Variants in FAF1 observed in about 807,000 individuals in gnomAD.
The protein encoded by FAF1 is FAS-associated factor 1.
Under a neutral mutation model 92.5 loss-of-function variants are expected in FAF1, and 25 were observed. The observed-to-expected ratio is 0.27, with a 90% CI of 0.20 to 0.38. The LOEUF is 0.38. Ranked by LOEUF, FAF1 falls within the 10% of genes least tolerant of loss-of-function variation. The probability of loss-of-function intolerance (pLI) is 1.00; values close to 1 mark genes in which losing one functional copy is unlikely to be tolerated. For synonymous variants in FAF1, 234 were observed against 273.2 expected (o/e 0.86, Z 1.42); for missense variants, 636 against 793.3 (o/e 0.80, Z 2.38).
intron 15 of FAF1, among the ~76,000 whole-genome samples, chr1:50,520,886 G>A (rs931213555): frequency 6.6e-6 from 1 of 152,078 alleles, no homozygotes; most frequent in African/African-American, 2.4e-5. Flanking sequence ...AGTCCTTTCT[G>A]ACTATAAAGA....
intron 7 of FAF1, among the ~76,000 whole-genome samples, chr1:50,702,506 T>G (rs1304895791): frequency 6.6e-6 from 1 of 152,066 alleles, no homozygotes; most frequent in African/African-American, 2.4e-5. Flanking sequence ...TTGGTCATAA[T>G]GGAAAACAGA....
At chr1:50,512,825 C>A (rs1198090415) in intron 15 of FAF1, among the ~76,000 whole-genome samples, 1 of 152,108 alleles carries the variant, frequency 6.6e-6, no homozygotes, top group African/African-American at 2.4e-5. Flanking sequence ...TTACTTTGGG[C>A]AGTATGGCCA....
At chr1:50,938,059 G>A (rs74082106) in intron 1 of FAF1, among the ~76,000 whole-genome samples, 2,106 of 152,162 alleles carry the variant, frequency 0.014, 47 homozygotes, top group African/African-American at 0.047. Flanking sequence ...AGGCACAATC[G>A]CTTATACTGA....
intron 8 of FAF1, among the ~76,000 whole-genome samples, chr1:50,638,719 C>T (rs1407384029): frequency 1.3e-5 from 2 of 152,144 alleles, no homozygotes; most frequent in Non-Finnish European, 2.9e-5. Flanking sequence ...GCTGGGATTA[C>T]AGGCATGAGC....
intron 1 of FAF1, among the ~76,000 whole-genome samples, chr1:50,923,911 A>C (rs951469392): frequency 6.6e-6 from 1 of 152,254 alleles, no homozygotes; most frequent in African/African-American, 2.4e-5. Context: ...TGAGTATAGA[A>C]GAAACATAAC....
At chr1:50,889,755 T>A in intron 1 of FAF1, among the ~76,000 whole-genome samples, 1 of 152,244 alleles carries the variant, frequency 6.6e-6, no homozygotes, top group East Asian at 1.9e-4. Context: ...TCTGTTCTTT[T>A]ACATTTGCTG....
At chr1:50,722,907 G>A (rs1167769247) in intron 6 of FAF1, among the ~76,000 whole-genome samples, 2 of 152,086 alleles carry the variant, frequency 1.3e-5, no homozygotes, top group African/African-American at 4.8e-5. Context: ...TCAAAAATAG[G>A]ACTGAATTGG....
intron 7 of FAF1, among the ~76,000 whole-genome samples, chr1:50,694,609 T>G (rs115739604): frequency 0.031 from 4,617 of 150,976 alleles, 248 homozygotes; most frequent in African/African-American, 0.11. Flanking sequence ...AAGTATTTGC[T>G]ATGGTAACTA....
At chr1:50,704,564 T>C (rs555169433) in intron 7 of FAF1, among the ~76,000 whole-genome samples, 10 of 152,184 alleles carry the variant, frequency 6.6e-5, no homozygotes, top group Non-Finnish European at 1.5e-4. Context: ...ACATTATTTC[T>C]ACCATAAAAA....
intron 12 of FAF1, among the ~76,000 whole-genome samples, chr1:50,568,994 G>C (rs1374177048): frequency 1.3e-5 from 2 of 152,166 alleles, no homozygotes; most frequent in Non-Finnish European, 2.9e-5. Flanking sequence ...TGCTCTTTGT[G>C]TCAGGCTCAG....
intron 6 of FAF1, among the ~76,000 whole-genome samples, chr1:50,709,060 T>C (rs1227411772): frequency 6.6e-6 from 1 of 152,248 alleles, no homozygotes; most frequent in East Asian, 1.9e-4. Flanking sequence ...TCCTGAGGTT[T>C]GAAGGCCTTT....
intron 18 of FAF1, 118 bp from the exon 19 acceptor site, chr1:50,441,641 G>C: frequency 1.9e-6 from 1 of 514,344 alleles, no homozygotes; most frequent in Non-Finnish European, 3.4e-6. Flanking sequence ...GAAGAGTCTC[G>C]CAGTATCTTA....
intron 1 of FAF1, among the ~76,000 whole-genome samples, chr1:50,908,278 C>T (rs539517076): frequency 3.9e-4 from 59 of 152,104 alleles, no homozygotes; most frequent in South Asian, 1.7e-3. Flanking sequence ...TGCTGAGGAG[C>T]GCTTTACTTC....
chr1:50,924,844 G>T (rs1356361843), intron 1 of FAF1, among the ~76,000 whole-genome samples: 1 of 152,112 alleles, frequency 6.6e-6, no homozygotes, highest in African/African-American at 2.4e-5. Flanking sequence ...TTAGCTGGGT[G>T]TGGTGTTGGG....
intron 15 of FAF1, among the ~76,000 whole-genome samples, chr1:50,513,115 T>G (rs1347271355): frequency 6.6e-6 from 1 of 152,130 alleles, no homozygotes; most frequent in Non-Finnish European, 1.5e-5. Flanking sequence ...TGCTCTGAAA[T>G]GTACTAAGCG....
chr1:50,590,459 T>C (rs1299010758), intron 9 of FAF1, among the ~76,000 whole-genome samples: 2 of 152,250 alleles, frequency 1.3e-5, no homozygotes, highest in African/African-American at 4.8e-5. Context: ...TGTTGGTTTA[T>C]AGAAATGCAA....
At chr1:50,896,828 T>C (rs1445141365) in intron 1 of FAF1, among the ~76,000 whole-genome samples, 1 of 152,146 alleles carries the variant, frequency 6.6e-6, no homozygotes, top group Non-Finnish European at 1.5e-5. Flanking sequence ...AGAGTTTCAG[T>C]TTTGCTAGAT....
intron 17 of FAF1, among the ~76,000 whole-genome samples, chr1:50,483,195 T>G (rs1646723009): frequency 6.6e-6 from 1 of 151,272 alleles, no homozygotes; most frequent in Non-Finnish European, 1.5e-5. Context: ...TTAAAACTGG[T>G]TTTCTATGGG....
At chr1:50,513,250 C>T (rs760417350) in intron 15 of FAF1, among the ~76,000 whole-genome samples, 6 of 152,120 alleles carry the variant, frequency 3.9e-5, no homozygotes, top group South Asian at 2.1e-4. Flanking sequence ...GAGGCCAAGG[C>T]GGGCAGATTG....
Sources: gnomAD v4.1 joint callset for allele counts (sites outside exome capture counted in the v4.1 genomes callset) on GRCh38, gnomAD v4.1.1 for gene constraint, MANE v1.5 for transcripts, NCBI Gene and HGNC (gene_info 2026-07-23, HGNC 2026-07-21) for gene names.